The following AGMAT variants were observed in gnomAD, a reference collection of about 807,000 sequenced individuals.
AGMAT encodes guanidino acid hydrolase, mitochondrial.
Under a neutral mutation model 29.3 loss-of-function variants are expected in AGMAT, and 37 were observed. That is an observed-to-expected ratio of 1.26 (90% CI 0.97 to 1.66). The LOEUF is 1.66. Among genes scored for constraint, AGMAT ranks in the 40% most tolerant of loss-of-function variants. The probability of loss-of-function intolerance (pLI) is 0.00; values close to 1 mark genes in which losing one functional copy is unlikely to be tolerated. For missense variants in AGMAT, 498 were observed against 497.8 expected (o/e 1.00, Z 0.00); for synonymous variants, 199 against 200.8 (o/e 0.99, Z 0.08).
At position 15,584,998 on chromosome 1, in the gene AGMAT, A is replaced by ACCGACCAG; in HGVS notation, c.-32_-31insCTGGTCGG. The ACCGACCAG allele has an allele frequency of 7.8e-6, 10 of 1,279,296 alleles. No homozygotes were observed. Among genetic ancestry groups the ACCGACCAG allele is most frequent in the Non-Finnish European group, 9.8e-6 (10 of 1,016,104 alleles). 79.2% of individuals were successfully genotyped at this position (1,279,296 alleles called of 1,614,324 possible). On this transcript the variant is annotated 5_prime_UTR_variant, in exon 1 of 7. Transcript: ENST00000375826. ...CGCGCGGCCAAGACCTCACCGACCA[A>ACCGACCAG]ACCGCCCGCGAGGCCGCCGCGATCT... is the stretch of plus-strand genomic sequence containing the variant.
In AGMAT at chr1:15,584,687, C is replaced by T. The variant is rs752504960; in HGVS notation, c.272+9G>A. 15 of 1,316,994 alleles carry T rather than the reference C, an allele frequency of 1.1e-5. No homozygotes were observed. Among genetic ancestry groups the T allele is most frequent in the Middle Eastern group, 2.0e-4 (1 of 4,964 alleles). 81.6% of individuals were successfully genotyped at this position (1,316,994 alleles called of 1,614,324 possible). A position where few individuals can be genotyped will look rare whatever the true frequency, so the allele number is the denominator to read the frequency against. The stretch of plus-strand genomic sequence containing the variant: ...CACGTGTACCCGGCCCCCGTCCTTC[C>T]GGCCTTACCTCGCCCCAGGCCGGTT... On this transcript the variant is annotated intron_variant, in intron 1 of 6. Transcript: ENST00000375826.
At chr1:15,583,538 C>T (rs1639145043) in intron 1 of AGMAT, 143 bp from the exon 2 acceptor site, 6 of 803,744 alleles carry the variant, frequency 7.5e-6, no homozygotes, top group South Asian at 3.5e-5. Flanking sequence ...AGCAGCATCC[C>T]GGCCTGTACT....
In AGMAT at chr1:15,573,173, C is replaced by G. The variant is rs1484266188; in HGVS notation, c.*478G>C. The G allele has an allele frequency of 1.3e-5, 2 of 153,538 alleles. No homozygotes were observed. The highest frequency in any genetic ancestry group is 1.4e-5 in the Non-Finnish European group (1 of 69,382). 9.5% of individuals were successfully genotyped at this position (153,538 alleles called of 1,614,324 possible). A position where few individuals can be genotyped will look rare whatever the true frequency, so the allele number is the denominator to read the frequency against. On this transcript the variant is annotated 3_prime_UTR_variant, in exon 7 of 7. Transcript: ENST00000375826. ...ACTCAGGAGGCTGAGGCAGGAGAAT[C>G]GATTGAACTCGGGAGGCGGAGGTTG... is the stretch of plus-strand genomic sequence containing the variant.
At chr1:15,574,870 C>T (rs1473632892) in intron 5 of AGMAT, 29 bp from the exon 6 acceptor site, 3 of 1,576,382 alleles carry the variant, frequency 1.9e-6, no homozygotes, top group African/African-American at 2.7e-5. Context: ...GAGTTGTCCA[C>T]AGTGGTAATC....
Position 15,579,022 on chromosome 1 carries a change from G to A in AGMAT, c.557C>T (p.Ala186Val), listed in dbSNP as rs770892550. 8.7e-6 allele frequency: 14 copies of A among 1,613,984 alleles called. No homozygotes were observed. Among genetic ancestry groups the A allele is most frequent in the African/African-American group, 1.3e-5 (1 of 75,024 alleles). ...HGPVGLLHVD[A>V]HTDTTDKALG... ...GGCCTTGTCGGTCGTGTCCGTGTGCGCATCCACGTGCAGCAGCCCCACTGG... is the reference window on the plus strand; with the variant it reads ...GGCCTTGTCGGTCGTGTCCGTGTGCACATCCACGTGCAGCAGCCCCACTGG... The change falls in exon 4 of 7, where the codon GCG (alanine) becomes GTG (valine). Residue 186 changes from alanine (A) to valine (V), a missense_variant. Transcript: ENST00000375826.
chr1:15,574,412 C>G (rs1277666506), intron 6 of AGMAT, among the ~76,000 whole-genome samples: 1 of 147,616 alleles, frequency 6.8e-6, no homozygotes, highest in East Asian at 2.0e-4. Context: ...GAGTCTCGCT[C>G]TGTCACCCAG....
At chr1:15,583,169 C>G in intron 2 of AGMAT, 24 bp downstream of exon 2, 2 of 1,612,076 alleles carry the variant, frequency 1.2e-6, no homozygotes, top group Non-Finnish European at 1.7e-6. Context: ...GGGAACTACT[C>G]TGGCTCTTGC....
rs1022033039 is a variant in AGMAT at position 15,576,620 on chromosome 1, G to A, written c.900+1065C>T. Among the ~76,000 whole-genome samples, 5 of 149,574 alleles carry A rather than the reference G, an allele frequency of 3.3e-5. No individual in the cohort carries two copies. The Admixed American group carries it at 3.3e-4, about 10-fold the overall frequency. On this transcript the variant is annotated intron_variant, in intron 5 of 6. Transcript: ENST00000375826. ...GATTTTTGTACTTTTAGTAGAGACA[G>A]GGTTTCACCATCTTGGCTAGGCTGG... is the stretch of plus-strand genomic sequence containing the variant.
At position 15,572,059 on chromosome 1, in the gene AGMAT, T is replaced by TG. The variant is rs1257133404; in HGVS notation, c.*1591dup. Among the ~76,000 whole-genome samples, 3 of 148,852 alleles carry TG rather than the reference T, an allele frequency of 2.0e-5. No homozygotes were observed. Among genetic ancestry groups the TG allele is most frequent in the African/African-American group, 7.5e-5 (3 of 40,128 alleles). On this transcript the variant is annotated 3_prime_UTR_variant, in exon 7 of 7. Transcript: ENST00000375826. ...ACTCAGGAGGCTGAGGCAGCAGAAT[T>TG]GCTTGAACCCAGGAGGCGGAGATTG...
intron 2 of AGMAT, 79 bp from the exon 3 acceptor site, chr1:15,580,221 T>C: frequency 1.6e-6 from 2 of 1,230,398 alleles, no homozygotes; most frequent in South Asian, 2.7e-5. Flanking sequence ...TTTTTTTTTT[T>C]TTGAGATGTA....
Position 15,574,823 on chromosome 1 carries a change from C to A in AGMAT, c.919G>T (p.Gly307Cys). 1 of 1,613,888 alleles carries A rather than the reference C, an allele frequency of 6.2e-7. No homozygotes were observed. Among genetic ancestry groups the A allele is most frequent in the Non-Finnish European group, 8.5e-7 (1 of 1,179,822 alleles). ...CCCATCACGTTCAGGCCTTGACAAC[C>A]CCTGATGATCTCCAGAGCCTATTCA... ...TPSQALEIIR[G>C]CQGLNVMGCD... is the part of the protein sequence containing the mutation. The change falls in exon 6 of 7, where the codon GGT (glycine) becomes TGT (cysteine). Residue 307 changes from glycine (G) to cysteine (C), a missense_variant. By Grantham distance (159) the Gly-to-Cys change is radical. Coordinates refer to ENST00000375826, the MANE Select transcript of AGMAT (RefSeq NM_024758.5).
chr1:15,584,979 GC>G lies in AGMAT; in HGVS notation c.-13del. The G allele has an allele frequency of 7.6e-7, 1 of 1,311,702 alleles. No individual in the cohort carries two copies. The highest frequency in any genetic ancestry group is 9.6e-7 in the Non-Finnish European group (1 of 1,037,436). 81.3% of individuals were successfully genotyped at this position (1,311,702 alleles called of 1,614,324 possible). ...AGCAGCCTCAGCATTGCCGCGCGCG[GC>G]CAAGACCTCACCGACCAAACCGCCC... On this transcript the variant is annotated 5_prime_UTR_variant, in exon 1 of 7. Coordinates refer to ENST00000375826, the MANE Select transcript of AGMAT (RefSeq NM_024758.5).
chr1:15,575,504 A>AT (rs1557595350), intron 5 of AGMAT: 1 of 152,328 alleles, frequency 6.6e-6, no homozygotes, highest in Admixed American at 6.5e-5. Flanking sequence ...GTCTTCATTC[A>AT]TTTACTCTCA....
rs1639058251 is a variant in AGMAT at position 15,577,675 on chromosome 1, A to C, written c.900+10T>G. 1 of 1,602,674 alleles carries C rather than the reference A, an allele frequency of 6.2e-7. No homozygotes were observed. Reference sequence around the variant, plus strand: ...CACCCCCAGGATCTTCACTGGTGGAATCTCCTTACCTGACTAGGAGTGAGA... The same window carrying C: ...CACCCCCAGGATCTTCACTGGTGGACTCTCCTTACCTGACTAGGAGTGAGA... On this transcript the variant is annotated intron_variant, in intron 5 of 6. Coordinates refer to ENST00000375826, the MANE Select transcript of AGMAT (RefSeq NM_024758.5).
Position 15,573,694 on chromosome 1 carries a change from A to G in AGMAT, c.1016T>C (p.Leu339Pro), listed in dbSNP as rs769761453. ...GGGGAGAGCACATAGCATCTCAAAC[A>G]GCAGGTTAGCCGCCAGCAGGGCTGT... Reference protein sequence around the residue: ...GNTALLAANLLFEMLCALPKV... With the variant: ...GNTALLAANLPFEMLCALPKV... The change falls in exon 7 of 7, where the codon CTG becomes CCG. Residue 339 changes from leucine (L) to proline (P), a missense_variant. By Grantham distance (98) the Leu-to-Pro change is moderately conservative. Coordinates refer to ENST00000375826, the MANE Select transcript of AGMAT (RefSeq NM_024758.5). 7.4e-6 allele frequency: 12 copies of G among 1,614,222 alleles called. No homozygotes were observed. The highest frequency in any genetic ancestry group is 6.7e-5 in the Admixed American group (4 of 60,034).
chr1:15,582,521 G>T (rs1056534481), intron 2 of AGMAT, among the ~76,000 whole-genome samples: 2 of 152,040 alleles, frequency 1.3e-5, no homozygotes, highest in African/African-American at 4.8e-5. Context: ...TCTCTAACTT[G>T]GCAAAAATGA....
At chr1:15,579,302 T>C (rs1639082075) in intron 3 of AGMAT, among the ~76,000 whole-genome samples, 1 of 152,098 alleles carries the variant, frequency 6.6e-6, no homozygotes, top group Non-Finnish European at 1.5e-5. Context: ...ACCCAGAATT[T>C]GCTTCACTTA....
Position 15,574,809 on chromosome 1 carries a change from C to T in AGMAT, c.933G>A (p.Leu311=), listed in dbSNP as rs764561454. 2 of 1,614,000 alleles carry T rather than the reference C, an allele frequency of 1.2e-6. No individual in the cohort carries two copies. The highest frequency in any genetic ancestry group is 8.5e-7 in the Non-Finnish European group (1 of 1,179,918). Residue 311 remains leucine (L), a synonymous_variant, in exon 6 of 7, where the codon CTG becomes CTA. Coordinates refer to ENST00000375826, the MANE Select transcript of AGMAT (RefSeq NM_024758.5). ...ALEIIRGCQG[L]NVMGCDLVEV... ...CGACAAGATCACAGCCCATCACGTT[C>T]AGGCCTTGACAACCCCTGATGATCT...
At chr1:15,576,674 C>T (rs563757864) in intron 5 of AGMAT, among the ~76,000 whole-genome samples, 128 of 146,556 alleles carry the variant, frequency 8.7e-4, no homozygotes, top group African/African-American at 2.9e-3. Context: ...GTGATCCACC[C>T]GCCTCGGCCT....
Sources: gnomAD v4.1 joint callset for allele counts (sites outside exome capture counted in the v4.1 genomes callset) on GRCh38, gnomAD v4.1.1 for gene constraint, MANE v1.5 for transcripts, NCBI Gene and HGNC (gene_info 2026-07-23, HGNC 2026-07-21) for gene names.